Variants in ZNF454 observed in about 807,000 individuals in gnomAD.
ZNF454 encodes the protein zinc finger protein 454.
In ZNF454, 30 loss-of-function variants were observed where a neutral mutation model predicts 48.2. The observed-to-expected ratio is 0.62, with a 90% confidence interval of 0.47 to 0.84. ZNF454 has a LOEUF of 0.84. ZNF454 is among the 40% of genes least tolerant of loss of function. ZNF454 has a pLI of 0.00. For synonymous variants in ZNF454, 204 were observed against 211.4 expected (o/e 0.97, Z 0.30); for missense variants, 510 against 623.1 (o/e 0.82, Z 1.93).
At chr5:178,971,862 AG>A in the ZNF454 span, among the ~76,000 whole-genome samples, 2 of 120,594 alleles carry the variant, frequency 1.7e-5, no homozygotes, top group East Asian at 2.6e-4. Flanking sequence ...AAAAAAAAAA[AG>A]AAGAAGAACT....
the ZNF454 span, chr5:178,976,195 A>G: frequency 4.4e-3 from 1,826 of 412,872 alleles, 32 homozygotes; most frequent in African/African-American, 0.035. Flanking sequence ...GCCCTATTCA[A>G]AATTGCAGCC....
chr5:178,959,334 C>T (rs1379294354), intron 4 of ZNF454, among the ~76,000 whole-genome samples: 1 of 152,186 alleles, frequency 6.6e-6, no homozygotes, highest in Admixed American at 6.5e-5. Flanking sequence ...TGTTTGCATA[C>T]AGATTTGTTT....
At chr5:178,973,659 C>T in the ZNF454 span, among the ~76,000 whole-genome samples, 366 of 152,116 alleles carry the variant, frequency 2.4e-3, no homozygotes, top group Non-Finnish European at 3.9e-3. Flanking sequence ...CTGGCTAACA[C>T]GGTGAAACCC....
At position 178,966,316 on chromosome 5, in the gene ZNF454, C is replaced by G. The variant is rs1368036398; in HGVS notation, c.*343C>G. The G allele has an allele frequency of 6.1e-6, 1 of 165,158 alleles. No homozygotes were observed. The highest frequency in any genetic ancestry group is 1.3e-5 in the Non-Finnish European group (1 of 75,754). The allele number at this position is 165,158 out of a possible 1,614,324, so 10.2% of individuals were successfully genotyped here. A position where few individuals can be genotyped will look rare whatever the true frequency, so the allele number is the denominator to read the frequency against. Reference sequence around the variant, plus strand: ...GGGCATGGTGGTGGGCGCCTGTAGTCCCAGCTACTCGGGAGGCTGAGGCAG... The same window carrying G: ...GGGCATGGTGGTGGGCGCCTGTAGTGCCAGCTACTCGGGAGGCTGAGGCAG... On this transcript the variant is annotated 3_prime_UTR_variant, in exon 5 of 5. Transcript: ENST00000519564.
the ZNF454 span, chr5:178,985,715 C>A: frequency 0.64 from 243,938 of 381,182 alleles, 77,581 homozygotes; most frequent in Non-Finnish European, 0.68. Context: ...AAAAAAAAAA[C>A]AAAACAACAC....
At position 178,964,905 on chromosome 5, in the gene ZNF454, A is replaced by C; in HGVS notation, c.501A>C (p.Gln167His). The C allele has an allele frequency of 6.2e-7, 1 of 1,614,254 alleles. No individual in the cohort carries two copies. Among genetic ancestry groups the C allele is most frequent in the Non-Finnish European group, 8.5e-7 (1 of 1,180,048 alleles). The change falls in exon 5 of 5, where the codon CAA becomes CAC. Residue 167 changes from glutamine to histidine, a missense_variant. Gln to His is a conservative substitution (Grantham distance 24). Around this residue, in one of 3 missense-constraint regions of ZNF454, gnomAD observed 354 missense variants for 408.9 expected, o/e 0.87. Coordinates refer to ENST00000519564, the MANE Select transcript of ZNF454 (RefSeq NM_001178089.3). The stretch of plus-strand genomic sequence containing the variant: ...TGAGCTCATCTCTTCACAGTGATCA[A>C]AGTCAGGGATTTCAACCTAGCAAAA... Reference protein sequence around the residue: ...STMSSSLHSDQSQGFQPSKNA... With the variant: ...STMSSSLHSDHSQGFQPSKNA...
In ZNF454 at chr5:178,944,838, T is replaced by G. The variant is rs1242783236; in HGVS notation, c.34-1521T>G. Among the ~76,000 whole-genome samples the G allele has an allele frequency of 6.6e-6, 1 of 152,220 alleles. No individual in the cohort carries two copies. Among genetic ancestry groups the G allele is most frequent in the African/African-American group, 2.4e-5 (1 of 41,454 alleles). On this transcript the variant is annotated intron_variant, in intron 2 of 4. Coordinates refer to ENST00000519564, the MANE Select transcript of ZNF454 (RefSeq NM_001178089.3). The surrounding 1 kb of genome is among the most constrained non-coding windows in gnomAD (Gnocchi z 4.1). ...GGAAGACAAGAGCTGTGATAGCTACTGGATTTTACATGCTAGGTTAGGTTT... is the reference window on the plus strand; with the variant it reads ...GGAAGACAAGAGCTGTGATAGCTACGGGATTTTACATGCTAGGTTAGGTTT...
chr5:178,948,361 T>C (rs1759418969), intron 4 of ZNF454, among the ~76,000 whole-genome samples: 1 of 152,210 alleles, frequency 6.6e-6, no homozygotes, highest in Non-Finnish European at 1.5e-5. Context: ...ATACAAATAG[T>C]CTTATAACAA....
At chr5:178,955,439 T>C (rs1047584143) in intron 4 of ZNF454, among the ~76,000 whole-genome samples, 9 of 152,244 alleles carry the variant, frequency 5.9e-5, no homozygotes, top group African/African-American at 2.2e-4. Flanking sequence ...CAATTGTTTT[T>C]CTCAGTCCTT....
the ZNF454 span, chr5:178,981,054 C>T: frequency 0.097 from 15,064 of 154,840 alleles, 997 homozygotes; most frequent in African/African-American, 0.19. The surrounding 1 kb of genome is among the most constrained non-coding windows in gnomAD (Gnocchi z 5.1). Flanking sequence ...CTCATGGGGG[C>T]GCACCCCAGT....
intron 4 of ZNF454, among the ~76,000 whole-genome samples, chr5:178,954,429 T>G (rs947360001): frequency 6.6e-6 from 1 of 152,214 alleles, no homozygotes; most frequent in Non-Finnish European, 1.5e-5. Flanking sequence ...CACCCTAGAT[T>G]GGTCTTCTAA....
chr5:178,947,124 A>T (rs1759371056), intron 4 of ZNF454, 138 bp downstream of exon 4: 11 of 699,108 alleles, frequency 1.6e-5, no homozygotes, highest in Middle Eastern at 7.9e-4. Context: ...TCACCTGAAT[A>T]CCTTGTTGCT....
At chr5:178,984,263 G>A in the ZNF454 span, among the ~76,000 whole-genome samples, 1 of 146,776 alleles carries the variant, frequency 6.8e-6, no homozygotes, top group East Asian at 2.0e-4. Context: ...CACAGATGCC[G>A]CAGCCCGTGG....
At position 178,957,946 on chromosome 5, in the gene ZNF454, T is replaced by G. The variant is rs549799337; in HGVS notation, c.251-6709T>G. 4.9e-4 allele frequency among the ~76,000 whole-genome samples: 74 copies of G among 152,324 alleles called. 1 individual carries two copies. The highest frequency in any genetic ancestry group is 3.4e-3 in the Middle Eastern group (1 of 294). ...CTCAAAAAATATTTCAAGTCATGTA[T>G]TCTCTTATACATAGATGATGTGTTT... is the stretch of plus-strand genomic sequence containing the variant. On this transcript the variant is annotated intron_variant, in intron 4 of 4. Coordinates refer to ENST00000519564, the MANE Select transcript of ZNF454 (RefSeq NM_001178089.3).
At position 178,946,938 on chromosome 5, in the gene ZNF454, A is replaced by G. The variant is rs201361943; in HGVS notation, c.202A>G (p.Lys68Glu). 1 of 1,614,110 alleles carries G rather than the reference A, an allele frequency of 6.2e-7. No homozygotes were observed. The highest frequency in any genetic ancestry group is 2.2e-5 in the East Asian group (1 of 44,858). The change falls in exon 4 of 5, where the codon AAA (lysine) becomes GAA (glutamate). Residue 68 changes from lysine to glutamate, a missense_variant. This residue lies in a region of ZNF454 where 354 missense variants were observed against 408.9 expected (regional missense o/e 0.87). Transcript: ENST00000519564. This position sits in a 1 kb window ranked among gnomAD's most constrained non-coding sequence, Gnocchi z 4.5. ...PKPDTFSQLE[K>E]REVWMPEDTP... The stretch of plus-strand genomic sequence containing the variant: ...ACCAGATACGTTTTCCCAGCTAGAA[A>G]AAAGGGAAGTGTGGATGCCAGAGGA...
Position 178,956,723 on chromosome 5 carries a change from T to A in ZNF454, c.251-7932T>A, listed in dbSNP as rs187477592. Among the ~76,000 whole-genome samples the A allele has an allele frequency of 1.6e-3, 246 of 149,800 alleles. 1 individual carries two copies. The highest frequency in any genetic ancestry group is 5.4e-3 in the African/African-American group (220 of 40,658). ...TATTTATTTATTTATTTATTTATTT[T>A]GAGACGGAGTCTCTCTCTGTCACTC... On this transcript the variant is annotated intron_variant, in intron 4 of 4. Coordinates refer to ENST00000519564, the MANE Select transcript of ZNF454 (RefSeq NM_001178089.3).
the ZNF454 span, chr5:178,989,207 C>A: frequency 4.3e-5 from 11 of 254,606 alleles, no homozygotes; most frequent in Non-Finnish European, 6.3e-5. Context: ...CCTTCCCCCT[C>A]CCCACCCTCA....
downstream of ZNF454, among the ~76,000 whole-genome samples, chr5:178,966,723 A>T (rs1760168075): frequency 6.6e-6 from 1 of 152,136 alleles, no homozygotes; most frequent in South Asian, 2.1e-4. Context: ...TGGAAGCCTT[A>T]GTCCTCTCCT....
the ZNF454 span, among the ~76,000 whole-genome samples, chr5:178,974,688 A>G: frequency 2.6e-5 from 4 of 152,172 alleles, no homozygotes; most frequent in African/African-American, 9.7e-5. Flanking sequence ...TGAGCCAGGC[A>G]CTGTGCATTG....
Sources: allele counts gnomAD v4.1 joint callset (sites outside exome capture counted in the v4.1 genomes callset), GRCh38; gene constraint gnomAD v4.1.1; regional missense constraint gnomAD v4.1.1; non-coding constraint Gnocchi (gnomAD v3.1); transcripts MANE v1.5; gene names NCBI Gene and HGNC (gene_info 2026-07-23, HGNC 2026-07-21).